Variants in CDCA7 observed in about 807,000 individuals in gnomAD.
CDCA7 encodes cell division cycle-associated protein 7.
A neutral mutation model predicts 54.0 loss-of-function variants in CDCA7; 28 were observed. The ratio of observed to expected loss-of-function variants is 0.52; its 90% CI spans 0.38 to 0.71. The LOEUF (loss-of-function observed/expected upper bound fraction) is 0.71, where lower values mean the gene tolerates loss of function less well. CDCA7 is among the 30% of genes least tolerant of loss of function. The probability of loss-of-function intolerance (pLI) is 0.00; values close to 1 mark genes in which losing one functional copy is unlikely to be tolerated. For synonymous variants in CDCA7, 180 were observed against 208.2 expected (o/e 0.86, Z 1.16); for missense variants, 484 against 586.0 (o/e 0.83, Z 1.80).
At chr2:173,365,368 A>G (rs1686700601) in intron 6 of CDCA7, 84 bp from the exon 7 acceptor site, 2 of 1,444,820 alleles carry the variant, frequency 1.4e-6, no homozygotes, top group Non-Finnish European at 1.9e-6. Flanking sequence ...TCTGTGTTTC[A>G]TATTTGAATC....
Position 173,367,302 on chromosome 2 carries a change from T to C in CDCA7, c.1322+16T>C. On this transcript the variant is annotated intron_variant, in intron 9 of 9. Transcript: ENST00000306721. ...ACTTGAAAAGGTAGTGGGTGTTTTTTTTTCCCTTCCACATCTGAATTTTAT... is the reference window on the plus strand; with the variant it reads ...ACTTGAAAAGGTAGTGGGTGTTTTTCTTTCCCTTCCACATCTGAATTTTAT... The C allele has an allele frequency of 1.2e-6, 2 of 1,614,092 alleles. No individual in the cohort carries two copies. The highest frequency in any genetic ancestry group is 2.2e-5 in the East Asian group (1 of 44,862).
intron 3 of CDCA7, 55 bp downstream of exon 3, chr2:173,359,546 CAT>C (rs1168953419): frequency 6.9e-7 from 1 of 1,444,486 alleles, no homozygotes; most frequent in South Asian, 1.2e-5. Context: ...AGAGGCATGA[CAT>C]ATTTTTAGAA....
In CDCA7 at chr2:173,366,565, A is replaced by C; in HGVS notation, c.1185+133A>C. On this transcript the variant is annotated intron_variant, in intron 8 of 9. Coordinates refer to ENST00000306721, the MANE Select transcript of CDCA7 (RefSeq NM_031942.5). The surrounding 1 kb of genome is among the most constrained non-coding windows in gnomAD (Gnocchi z 4.5). ...GTGCTCTTCTTTTTTTTTAAGATGGAGTCTCATTCTGTCGCCAGGCTGCAG... is the reference window on the plus strand; with the variant it reads ...GTGCTCTTCTTTTTTTTTAAGATGGCGTCTCATTCTGTCGCCAGGCTGCAG... The C allele has an allele frequency of 8.2e-7, 1 of 1,221,420 alleles. No individual in the cohort carries two copies. Among genetic ancestry groups the C allele is most frequent in the Non-Finnish European group, 1.1e-6 (1 of 890,490 alleles). The allele number at this position is 1,221,420 out of a possible 1,614,324, so 75.7% of individuals were successfully genotyped here. A position where few individuals can be genotyped will look rare whatever the true frequency, so the allele number is the denominator to read the frequency against.
chr2:173,365,414 G>A (rs200921423), intron 6 of CDCA7, 38 bp from the exon 7 acceptor site: 409 of 1,562,376 alleles, frequency 2.6e-4, no homozygotes, highest in Non-Finnish European at 3.4e-4. Flanking sequence ...CAGTTTTTCA[G>A]TTTTGAAGTT....
chr2:173,368,186 A>T lies in CDCA7; in HGVS notation c.*522A>T, dbSNP rs1204063168. 1 of 156,212 alleles carries T rather than the reference A, an allele frequency of 6.4e-6. No individual in the cohort carries two copies. Among genetic ancestry groups the T allele is most frequent in the Non-Finnish European group, 1.4e-5 (1 of 70,448 alleles). 9.7% of individuals were successfully genotyped at this position (156,212 alleles called of 1,614,324 possible). The stretch of plus-strand genomic sequence containing the variant: ...TTAAAACCATGTGGAAAAATTAGGT[A>T]ATTATTGCAGATTGATGTCTCTCAA... On this transcript the variant is annotated 3_prime_UTR_variant, in exon 10 of 10. Coordinates refer to ENST00000306721, the MANE Select transcript of CDCA7 (RefSeq NM_031942.5).
intron 7 of CDCA7, 67 bp downstream of exon 7, chr2:173,365,659 A>C: frequency 6.5e-7 from 1 of 1,548,406 alleles, no homozygotes; most frequent in Non-Finnish European, 8.7e-7. Flanking sequence ...TCTGTCCCTA[A>C]GCGTTGCCCA....
At chr2:173,359,102 A>C (rs879773060) in intron 2 of CDCA7, among the ~76,000 whole-genome samples, 153 bp from the exon 3 acceptor site, 2 of 152,230 alleles carry the variant, frequency 1.3e-5, no homozygotes, top group Non-Finnish European at 2.9e-5. Flanking sequence ...CTCAGAAATC[A>C]TTTGTAAACC....
At position 173,358,202 on chromosome 2, in the gene CDCA7, A is replaced by G. The variant is rs546868837; in HGVS notation, c.22-510A>G. 1.2e-4 allele frequency among the ~76,000 whole-genome samples: 18 copies of G among 150,880 alleles called. No homozygotes were observed. In the East Asian group the frequency reaches 3.5e-3, roughly 29 times the overall value. On this transcript the variant is annotated intron_variant, in intron 1 of 9. Coordinates refer to ENST00000306721, the MANE Select transcript of CDCA7 (RefSeq NM_031942.5). ...GCGACACAGCGAGACTCCGTCTCAAAAAAAAAAAAAAAAAGAATTTGACCT... is the reference window on the plus strand; with the variant it reads ...GCGACACAGCGAGACTCCGTCTCAAGAAAAAAAAAAAAAAGAATTTGACCT...
At chr2:173,365,242 G>A (rs375355884) in intron 6 of CDCA7, among the ~76,000 whole-genome samples, 13 of 152,160 alleles carry the variant, frequency 8.5e-5, no homozygotes, top group Non-Finnish European at 1.3e-4. Context: ...TACAGTAAGC[G>A]TATGGCCTGT....
At chr2:173,362,589 T>TTTTC (rs904765628) in intron 3 of CDCA7, among the ~76,000 whole-genome samples, 3 of 151,650 alleles carry the variant, frequency 2.0e-5, no homozygotes, top group African/African-American at 4.8e-5. Context: ...TTTTTTTTTT[T>TTTTC]TTCAAGACAG....
chr2:173,364,691 C>A, intron 5 of CDCA7, 104 bp from the exon 6 acceptor site: 1 of 1,470,466 alleles, frequency 6.8e-7, no homozygotes. Flanking sequence ...AAAAATAGAG[C>A]TCTCTTTACT....
chr2:173,358,578 C>T, intron 1 of CDCA7, 134 bp from the exon 2 acceptor site: 1 of 962,482 alleles, frequency 1.0e-6, no homozygotes, highest in Non-Finnish European at 1.4e-6. Context: ...AACAAACTTC[C>T]TTTTCTATGT....
At chr2:173,355,709 G>T (rs1418542137) in intron 1 of CDCA7, among the ~76,000 whole-genome samples, 2 of 143,570 alleles carry the variant, frequency 1.4e-5, no homozygotes, top group African/African-American at 5.3e-5. Context: ...CTTAGCTGCA[G>T]GACGTTGCTC....
At chr2:173,355,348 G>A (rs1490679777) in intron 1 of CDCA7, among the ~76,000 whole-genome samples, 2 of 152,204 alleles carry the variant, frequency 1.3e-5, no homozygotes, top group Admixed American at 6.5e-5. Context: ...TGCCCCCTGG[G>A]AGGTTGTCCC....
rs1686564780 is a variant in CDCA7 at position 173,358,850 on chromosome 2, TG to T, written c.147+14del. On this transcript the variant is annotated intron_variant, in intron 2 of 9. Transcript: ENST00000306721. ...TTTTGCAAACACGGTAAGTGCTGCC[TG>T]AGAATAAACAGAATTGAGTCTGCAG... 1.9e-6 allele frequency: 3 copies of T among 1,608,802 alleles called. No individual in the cohort carries two copies. The highest frequency in any genetic ancestry group is 2.5e-6 in the Non-Finnish European group (3 of 1,176,944).
rs765958903 is a variant in CDCA7 at position 173,366,469 on chromosome 2, A to T, written c.1185+37A>T. ...CCAGGGGTTGGTCCTGTGGGCTTGA[A>T]GGTCAGCCACAAACTGTGATGAGGC... is the stretch of plus-strand genomic sequence containing the variant. On this transcript the variant is annotated intron_variant, in intron 8 of 9. Transcript: ENST00000306721. The surrounding 1 kb of genome is among the most constrained non-coding windows in gnomAD (Gnocchi z 4.5). The T allele has an allele frequency of 3.7e-6, 6 of 1,608,102 alleles. No homozygotes were observed. The African/African-American group carries it at 8.0e-5, about 22-fold the overall frequency.
Position 173,363,845 on chromosome 2 carries a change from A to C in CDCA7, c.649A>C (p.Ser217Arg). The change falls in exon 5 of 10, where the codon AGC becomes CGC. Residue 217 changes from serine to arginine, a missense_variant. Around this residue, in one of 3 missense-constraint regions of CDCA7, gnomAD observed 398 missense variants for 447.4 expected, o/e 0.89. Coordinates refer to ENST00000306721, the MANE Select transcript of CDCA7 (RefSeq NM_031942.5). ...MLAKLMSELESFPGSFRGRHP... is the reference protein window; with the variant it reads ...MLAKLMSELERFPGSFRGRHP... ...TGCAAAACTCATGTCTGAATTAGAA[A>C]GCTTCCCTGGCTCGTTCCGTGGAAG... is the stretch of plus-strand genomic sequence containing the variant. 1 of 1,614,238 alleles carries C rather than the reference A, an allele frequency of 6.2e-7. No individual in the cohort carries two copies. The highest frequency in any genetic ancestry group is 8.5e-7 in the Non-Finnish European group (1 of 1,180,040).
In CDCA7 at chr2:173,368,772, A is replaced by G. The variant is rs1558952593; in HGVS notation, c.*1108A>G. Reference sequence around the variant, plus strand: ...GTGTTTGTATGTCCAATTTACTTGCATATGTAAACCATTGCTGTGCCATTC... The same window carrying G: ...GTGTTTGTATGTCCAATTTACTTGCGTATGTAAACCATTGCTGTGCCATTC... On this transcript the variant is annotated 3_prime_UTR_variant, in exon 10 of 10. Coordinates refer to ENST00000306721, the MANE Select transcript of CDCA7 (RefSeq NM_031942.5). 1 of 152,204 alleles carries G rather than the reference A, an allele frequency of 6.6e-6. No homozygotes were observed. Among genetic ancestry groups the G allele is most frequent in the Non-Finnish European group, 1.5e-5 (1 of 68,042 alleles). 9.4% of individuals were successfully genotyped at this position (152,204 alleles called of 1,614,324 possible). A position where few individuals can be genotyped will look rare whatever the true frequency, so the allele number is the denominator to read the frequency against.
chr2:173,366,766 A>G lies in CDCA7; in HGVS notation c.1185+334A>G, dbSNP rs1418394509. Reference sequence around the variant, plus strand: ...ATTGGCCAGGATGGTGTGGTGGTACAAGATCTCTTGACCTCGTGATCCACC... The same window carrying G: ...ATTGGCCAGGATGGTGTGGTGGTACGAGATCTCTTGACCTCGTGATCCACC... On this transcript the variant is annotated intron_variant, in intron 8 of 9. Coordinates refer to ENST00000306721, the MANE Select transcript of CDCA7 (RefSeq NM_031942.5). The surrounding 1 kb of genome is among the most constrained non-coding windows in gnomAD (Gnocchi z 4.5). Among the ~76,000 whole-genome samples the G allele has an allele frequency of 3.3e-5, 5 of 152,022 alleles. No individual in the cohort carries two copies. Among genetic ancestry groups the G allele is most frequent in the African/African-American group, 1.2e-4 (5 of 41,414 alleles).
Sources: gnomAD v4.1 joint callset for allele counts (sites outside exome capture counted in the v4.1 genomes callset) on GRCh38, gnomAD v4.1.1 for gene constraint, gnomAD v4.1.1 regional missense constraint, Gnocchi (gnomAD v3.1) non-coding constraint, MANE v1.5 for transcripts, NCBI Gene and HGNC (gene_info 2026-07-23, HGNC 2026-07-21) for gene names.